The following RBM41 variants were observed in gnomAD, a reference collection of about 807,000 sequenced individuals.
The protein encoded by RBM41 is RNA-binding protein 41.
Under a neutral mutation model 30.8 loss-of-function variants are expected in RBM41, and 14 were observed. The ratio of observed to expected loss-of-function variants is 0.45; its 90% CI spans 0.30 to 0.71. The LOEUF (loss-of-function observed/expected upper bound fraction) is 0.71, where lower values mean the gene tolerates loss of function less well. RBM41 is among the 30% of genes least tolerant of loss of function. The pLI, the probability that RBM41 is intolerant of heterozygous loss-of-function variation, is 0.08. For synonymous variants in RBM41, 120 were observed against 110.1 expected, an observed-to-expected ratio of 1.09 and a Z score of -0.56; for missense variants, 276 against 326.3, an observed-to-expected ratio of 0.85 and a Z score of 1.19.
chrX:107,074,025 GATA>G (rs1327257219), intron 6 of RBM41, among the ~76,000 whole-genome samples: 4 of 111,330 alleles, frequency 3.6e-5, no homozygotes, highest in Admixed American at 9.6e-5. Flanking sequence ...ATTACAGTTT[GATA>G]AGAGGAATAG....
At chrX:107,058,762 T>G (rs1272304347), downstream of RBM41, among the ~76,000 whole-genome samples, 3 of 111,423 alleles carry the variant, frequency 2.7e-5, no homozygotes, top group Admixed American at 1.9e-4. Flanking sequence ...AACAGAAATT[T>G]CTCCCAATTT....
At chrX:107,110,738 G>T (rs1413036397) in intron 5 of RBM41, among the ~76,000 whole-genome samples, 5 of 111,502 alleles carry the variant, frequency 4.5e-5, no homozygotes, top group Non-Finnish European at 9.5e-5. Flanking sequence ...CTGGCATAAA[G>T]ACAGGTATAT....
rs1206841783 is a variant in RBM41 at position 107,067,261 on chromosome X, A to C, written c.*266T>G. On this transcript the variant is annotated 3_prime_UTR_variant, in exon 8 of 8. Coordinates refer to ENST00000685964, the MANE Select transcript of RBM41 (RefSeq NM_001324242.2). Reference sequence around the variant, plus strand: ...TAAAGATTTTTAAAAATCCTTAGGAATAATCCGTTGTAATTCATCCTGAGA... The same window carrying C: ...TAAAGATTTTTAAAAATCCTTAGGACTAATCCGTTGTAATTCATCCTGAGA... 9.3e-6 allele frequency: 8 copies of C among 857,271 alleles called. No homozygotes were observed. Among genetic ancestry groups the C allele is most frequent in the Non-Finnish European group, 9.9e-6 (7 of 704,564 alleles). The allele number at this position is 857,271 out of a possible 1,213,427, so 70.6% of individuals were successfully genotyped here.
chrX:107,109,796 T>C (rs781608335), intron 5 of RBM41, among the ~76,000 whole-genome samples: 1 of 111,633 alleles, frequency 9.0e-6, no homozygotes, highest in South Asian at 3.7e-4. Context: ...TTTGGCATGC[T>C]GTGTTTTAAT....
chrX:107,055,616 G>A, the RBM41 span, among the ~76,000 whole-genome samples: 14 of 112,590 alleles, frequency 1.2e-4, no homozygotes, highest in Admixed American at 3.7e-4. Flanking sequence ...GAGCCACTGC[G>A]CCTGGCCAAG....
In RBM41 at chrX:107,066,527, T is replaced by C; in HGVS notation, c.*1000A>G. The C allele has an allele frequency of 7.2e-6, 1 of 139,082 alleles. No homozygotes were observed. Among genetic ancestry groups the C allele is most frequent in the Non-Finnish European group, 1.3e-5 (1 of 76,902 alleles). The allele number at this position is 139,082 out of a possible 1,213,427, so 11.5% of individuals were successfully genotyped here. A position where few individuals can be genotyped will look rare whatever the true frequency, so the allele number is the denominator to read the frequency against. On this transcript the variant is annotated 3_prime_UTR_variant, in exon 8 of 8. Coordinates refer to ENST00000685964, the MANE Select transcript of RBM41 (RefSeq NM_001324242.2). ...TCAGCCTGGATAATATCTCAGTTCA[T>C]CTTCACAACCCAGTGAGGTAAGTAG...
intron 6 of RBM41, among the ~76,000 whole-genome samples, chrX:107,086,892 T>C (rs1024928710): frequency 8.9e-6 from 1 of 112,486 alleles, no homozygotes; most frequent in Non-Finnish European, 1.9e-5. Flanking sequence ...CTTGTATCTT[T>C]AGAAATAAAT....
intron 5 of RBM41, among the ~76,000 whole-genome samples, chrX:107,106,253 A>C (rs1264962549): frequency 8.9e-6 from 1 of 112,478 alleles, no homozygotes; most frequent in Non-Finnish European, 1.9e-5. Flanking sequence ...ATGCAGCCAA[A>C]AAACACATGA....
chrX:107,080,192 A>G (rs1347761716), intron 6 of RBM41, among the ~76,000 whole-genome samples: 1 of 110,801 alleles, frequency 9.0e-6, no homozygotes, highest in African/African-American at 3.3e-5. Flanking sequence ...GCTTTGTAAG[A>G]GGTGGCCAAC....
rs996119946 is a variant in RBM41 at position 107,064,199 on chromosome X, C to T, written c.*3328G>A. Among the ~76,000 whole-genome samples the T allele has an allele frequency of 5.4e-5, 6 of 110,365 alleles. No individual in the cohort carries two copies. Among genetic ancestry groups the T allele is most frequent in the Admixed American group, 2.9e-4 (3 of 10,331 alleles). ...ATCTCCTGACCCCATGATCTCCACC[C>T]GCCCCGGCCTCCCAAAGTGCTGGGA... is the stretch of plus-strand genomic sequence containing the variant. On this transcript the variant is annotated 3_prime_UTR_variant, in exon 8 of 8. Transcript: ENST00000685964.
intron 2 of RBM41, chrX:107,116,360 A>G: frequency 2.9e-6 from 2 of 678,435 alleles, no homozygotes; most frequent in South Asian, 6.5e-5. Context: ...GTGGAAAAAC[A>G]GTGGAACAGA....
chrX:107,112,291 C>A (rs1924555459), intron 5 of RBM41, among the ~76,000 whole-genome samples: 1 of 111,551 alleles, frequency 9.0e-6, no homozygotes, highest in Admixed American at 9.5e-5. Context: ...AGATGTTCAA[C>A]ATCATTAGCC....
Position 107,118,755 on chromosome X carries a change from C to G in RBM41, c.8+11G>C, listed in dbSNP as rs372375701. 3 of 1,211,848 alleles carry G rather than the reference C, an allele frequency of 2.5e-6. No homozygotes were observed. The highest frequency in any genetic ancestry group is 3.4e-6 in the Non-Finnish European group (3 of 895,473). Reference sequence around the variant, plus strand: ...CTCCCCTTGCCGCCTGCTCTTCAGACAAGTCCTTACCTCTTCATGTTTCCA... The same window carrying G: ...CTCCCCTTGCCGCCTGCTCTTCAGAGAAGTCCTTACCTCTTCATGTTTCCA... On this transcript the variant is annotated intron_variant, in intron 1 of 7. Coordinates refer to ENST00000685964, the MANE Select transcript of RBM41 (RefSeq NM_001324242.2).
chrX:107,056,426 T>C, the RBM41 span, among the ~76,000 whole-genome samples: 1 of 112,225 alleles, frequency 8.9e-6, no homozygotes, highest in African/African-American at 3.2e-5. Context: ...AGTCTTTCCT[T>C]CCTTTCCATT....
intron 5 of RBM41, among the ~76,000 whole-genome samples, chrX:107,110,055 T>C (rs911567523): frequency 9.0e-6 from 1 of 110,744 alleles, no homozygotes; most frequent in African/African-American, 3.3e-5. Flanking sequence ...ATTCGGCCAA[T>C]TGATTTCTGA....
At chrX:107,077,040 A>G (rs1022887371) in intron 6 of RBM41, among the ~76,000 whole-genome samples, 1 of 112,257 alleles carries the variant, frequency 8.9e-6, no homozygotes, top group African/African-American at 3.2e-5. Context: ...AATCATGAAA[A>G]TATCAAATTA....
chrX:107,104,087 A>AC (rs1413984142), intron 5 of RBM41, among the ~76,000 whole-genome samples: 4 of 107,900 alleles, frequency 3.7e-5, no homozygotes, highest in African/African-American at 6.8e-5. Context: ...CCCCTCCCCT[A>AC]CCCCCCCGCC....
At chrX:107,070,131 A>G in intron 6 of RBM41, 1 of 285,898 alleles carries the variant, frequency 3.5e-6, no homozygotes, top group Non-Finnish European at 6.6e-6. Flanking sequence ...AATAAGGCAA[A>G]TCAGTTGAAG....
At chrX:107,076,556 TG>T (rs1290807643) in intron 6 of RBM41, among the ~76,000 whole-genome samples, 1 of 110,226 alleles carries the variant, frequency 9.1e-6, no homozygotes, top group Non-Finnish European at 1.9e-5. Flanking sequence ...TCACCAGGGC[TG>T]GGGGAAGGAG....
Sources: allele counts gnomAD v4.1 joint callset (sites outside exome capture counted in the v4.1 genomes callset), GRCh38; gene constraint gnomAD v4.1.1; transcripts MANE v1.5; gene names NCBI Gene and HGNC (gene_info 2026-07-23, HGNC 2026-07-21).